ANKS1B: variants seen among roughly 807,000 people sequenced by gnomAD.
ANKS1B encodes ankyrin repeat and sterile alpha motif domain-containing protein 1B.
Under a neutral mutation model 148.3 loss-of-function variants are expected in ANKS1B, and 36 were observed. The observed-to-expected ratio is 0.24, with a 90% CI of 0.19 to 0.32. The LOEUF is 0.32. Ranked by LOEUF, ANKS1B falls within the 10% of genes least tolerant of loss-of-function variation. The probability of loss-of-function intolerance (pLI) is 1.00; values close to 1 mark genes in which losing one functional copy is unlikely to be tolerated. For missense variants in ANKS1B, 1,157 were observed against 1,542.6 expected, an observed-to-expected ratio of 0.75 and a Z score of 4.19; for synonymous variants, 542 against 560.8, an observed-to-expected ratio of 0.97 and a Z score of 0.47.
chr12:98,820,112 A>T (rs1427662885), intron 19 of ANKS1B, among the ~76,000 whole-genome samples: 1 of 152,224 alleles, frequency 6.6e-6, no homozygotes, highest in East Asian at 1.9e-4. Flanking sequence ...AAAACATTGC[A>T]TTGGAGCATT....
chr12:99,373,819 A>G (rs1358993889), intron 12 of ANKS1B, among the ~76,000 whole-genome samples: 1 of 152,202 alleles, frequency 6.6e-6, no homozygotes, highest in African/African-American at 2.4e-5. Flanking sequence ...CCTTTGAGAA[A>G]GGGTGGACTG....
chr12:99,439,494 G>A (rs1053513284), intron 11 of ANKS1B, among the ~76,000 whole-genome samples: 1 of 151,636 alleles, frequency 6.6e-6, no homozygotes, highest in Non-Finnish European at 1.5e-5. Flanking sequence ...CTAAAAAAAA[G>A]AGGTGAGCAG....
chr12:98,900,669 G>A (rs1443449606), intron 17 of ANKS1B, among the ~76,000 whole-genome samples: 3 of 152,196 alleles, frequency 2.0e-5, no homozygotes, highest in Non-Finnish European at 2.9e-5. Flanking sequence ...TTGTGTGTTT[G>A]CAGGTGTGTA....
intron 14 of ANKS1B, among the ~76,000 whole-genome samples, chr12:99,155,951 G>A (rs2075995606): frequency 6.6e-6 from 1 of 152,260 alleles, no homozygotes; most frequent in Non-Finnish European, 1.5e-5. Context: ...TGAGAACAGT[G>A]CCTCTTCCAC....
chr12:99,330,125 T>G (rs1198233169), intron 12 of ANKS1B, among the ~76,000 whole-genome samples: 1 of 151,902 alleles, frequency 6.6e-6, no homozygotes, highest in Non-Finnish European at 1.5e-5. Context: ...TTTCACATCA[T>G]AAGAGAATTA....
At chr12:99,420,392 T>A (rs1378910871) in intron 11 of ANKS1B, among the ~76,000 whole-genome samples, 8 of 152,204 alleles carry the variant, frequency 5.3e-5, no homozygotes. Flanking sequence ...GATGTGACAA[T>A]ATAAGTACTT....
At chr12:99,428,034 T>C (rs912163553) in intron 11 of ANKS1B, among the ~76,000 whole-genome samples, 4 of 152,154 alleles carry the variant, frequency 2.6e-5, no homozygotes, top group African/African-American at 9.7e-5. Context: ...GAGGTTGTCA[T>C]GAAGGTAGGA....
intron 12 of ANKS1B, among the ~76,000 whole-genome samples, chr12:99,266,729 T>C (rs2076482796): frequency 6.6e-6 from 1 of 152,194 alleles, no homozygotes; most frequent in African/African-American, 2.4e-5. Context: ...TAGAAACCCA[T>C]TAATCTCTGG....
chr12:99,497,780 T>G (rs1469151054), intron 10 of ANKS1B, among the ~76,000 whole-genome samples: 2 of 151,992 alleles, frequency 1.3e-5, no homozygotes, highest in African/African-American at 4.8e-5. Context: ...GGGACACAAT[T>G]CAATCTATAA....
At chr12:99,770,497 A>C (rs1026032652) in intron 8 of ANKS1B, among the ~76,000 whole-genome samples, 11 of 152,196 alleles carry the variant, frequency 7.2e-5, no homozygotes, top group African/African-American at 2.7e-4. Context: ...TGATGAATAG[A>C]AACAAATATT....
chr12:99,185,344 C>T (rs2079678988), intron 14 of ANKS1B, among the ~76,000 whole-genome samples: 1 of 152,160 alleles, frequency 6.6e-6, no homozygotes, highest in Non-Finnish European at 1.5e-5. Flanking sequence ...TGGTATAGCT[C>T]AGAGGTGATA....
At chr12:99,305,449 T>A (rs1352121750) in intron 12 of ANKS1B, among the ~76,000 whole-genome samples, 1 of 152,150 alleles carries the variant, frequency 6.6e-6, no homozygotes, top group Non-Finnish European at 1.5e-5. Flanking sequence ...AAATATTGTT[T>A]CCCTAGCATA....
intron 1 of ANKS1B, among the ~76,000 whole-genome samples, chr12:99,831,509 AGAGT>A (rs2083989604): frequency 6.6e-6 from 1 of 152,246 alleles, no homozygotes; most frequent in Non-Finnish European, 1.5e-5. Context: ...TATTTATCAC[AGAGT>A]GAGGGTAGTA....
At chr12:98,954,760 T>C (rs988401870) in intron 17 of ANKS1B, among the ~76,000 whole-genome samples, 2 of 152,192 alleles carry the variant, frequency 1.3e-5, no homozygotes, top group Admixed American at 1.3e-4. Flanking sequence ...CTACAAGTGT[T>C]ATAGATGACT....
intron 8 of ANKS1B, among the ~76,000 whole-genome samples, chr12:99,725,151 T>A (rs2058490015): frequency 6.6e-6 from 1 of 152,136 alleles, no homozygotes; most frequent in South Asian, 2.1e-4. Flanking sequence ...AAATCACATA[T>A]AACAATATTA....
chr12:99,567,115 T>A (rs1374345392), intron 9 of ANKS1B, among the ~76,000 whole-genome samples: 2 of 152,210 alleles, frequency 1.3e-5, no homozygotes, highest in Non-Finnish European at 2.9e-5. Context: ...GATTCTGATC[T>A]AGAGCTTGGG....
chr12:99,081,426 G>T (rs1019827809), intron 16 of ANKS1B, among the ~76,000 whole-genome samples: 1 of 152,140 alleles, frequency 6.6e-6, no homozygotes. Context: ...GAGACATTTT[G>T]TCCGTTTTCT....
chr12:99,641,660 T>C (rs2098307607), intron 9 of ANKS1B, among the ~76,000 whole-genome samples: 1 of 152,140 alleles, frequency 6.6e-6, no homozygotes, highest in Non-Finnish European at 1.5e-5. Context: ...TAGCAGCTCA[T>C]CCACTCCGTA....
At chr12:98,888,837 G>T (rs1041251060) in intron 17 of ANKS1B, among the ~76,000 whole-genome samples, 6 of 152,166 alleles carry the variant, frequency 3.9e-5, no homozygotes, top group African/African-American at 1.4e-4. Context: ...CATCTGAAAT[G>T]ATCTTCTCCA....
Sources: allele counts gnomAD v4.1 joint callset (sites outside exome capture counted in the v4.1 genomes callset), GRCh38; gene constraint gnomAD v4.1.1; transcripts MANE v1.5; gene names NCBI Gene and HGNC (gene_info 2026-07-23, HGNC 2026-07-21).